PBX3: variants seen among roughly 807,000 people sequenced by gnomAD.
PBX3 encodes the protein PBX homeobox 3.
Under a neutral mutation model 48.5 loss-of-function variants are expected in PBX3, and 14 were observed. The ratio of observed to expected loss-of-function variants is 0.29; its 90% confidence interval spans 0.19 to 0.45. PBX3 has a LOEUF of 0.45. PBX3 is among the 20% of genes least tolerant of loss of function. The pLI, the probability that PBX3 is intolerant of heterozygous loss-of-function variation, is 1.00. For synonymous variants in PBX3, 210 were observed against 200.3 expected (o/e 1.05, Z -0.41); for missense variants, 386 against 546.7 (o/e 0.71, Z 2.93).
intron 2 of PBX3, among the ~76,000 whole-genome samples, chr9:125,806,160 T>G (rs768098654): frequency 2.6e-5 from 4 of 151,958 alleles, no homozygotes; most frequent in Non-Finnish European, 4.4e-5. Context: ...CTGAAGAAAG[T>G]GAAATAGGCA....
intron 2 of PBX3, among the ~76,000 whole-genome samples, chr9:125,896,817 G>C (rs141718659): frequency 6.6e-6 from 1 of 152,022 alleles, no homozygotes; most frequent in African/African-American, 2.4e-5. Flanking sequence ...AGATGTTTGT[G>C]AACAAAGTCT....
intron 2 of PBX3, among the ~76,000 whole-genome samples, chr9:125,799,293 A>G (rs917678385): frequency 1.3e-5 from 2 of 152,212 alleles, no homozygotes; most frequent in Non-Finnish European, 2.9e-5. Context: ...TGGGCGGATC[A>G]TGTGAGTCTA....
At chr9:125,758,888 G>T (rs1482300102) in intron 2 of PBX3, among the ~76,000 whole-genome samples, 1 of 152,066 alleles carries the variant, frequency 6.6e-6, no homozygotes, top group African/African-American at 2.4e-5. Flanking sequence ...ATAATATAAT[G>T]CTGATGACAT....
At chr9:125,794,932 C>T (rs1035452543) in intron 2 of PBX3, among the ~76,000 whole-genome samples, 2 of 152,308 alleles carry the variant, frequency 1.3e-5, no homozygotes, top group Admixed American at 6.5e-5. Flanking sequence ...TGAGCCATTA[C>T]GTTTTGAAAG....
At chr9:125,785,537 A>G (rs1207452623) in intron 2 of PBX3, among the ~76,000 whole-genome samples, 5 of 152,148 alleles carry the variant, frequency 3.3e-5, no homozygotes, top group Non-Finnish European at 5.9e-5. Flanking sequence ...TCACAGACTG[A>G]AGGCTGCACT....
At position 125,897,141 on chromosome 9, in the gene PBX3, G is replaced by GTTT. The variant is rs371641194; in HGVS notation, c.275-18526_275-18524dup. Among the ~76,000 whole-genome samples the GTTT allele has an allele frequency of 2.5e-3, 274 of 108,844 alleles. 8 individuals carry two copies. Among genetic ancestry groups the GTTT allele is most frequent in the South Asian group, 0.013 (43 of 3,218 alleles). 71.4% of individuals were successfully genotyped at this position (108,844 alleles called of 152,430 possible). A position where few individuals can be genotyped will look rare whatever the true frequency, so the allele number is the denominator to read the frequency against. ...CATGTGGGCTTTATATTCATTTGTG[G>GTTT]TTTTTTTTTTTTTTTTTTTTTCCTG... On this transcript the variant is annotated intron_variant, in intron 2 of 8. Transcript: ENST00000373489.
At chr9:125,851,658 A>C (rs958781628) in intron 2 of PBX3, among the ~76,000 whole-genome samples, 1 of 152,086 alleles carries the variant, frequency 6.6e-6, no homozygotes, top group African/African-American at 2.4e-5. Flanking sequence ...GTTTCTTTGC[A>C]GTTTACTGTA....
chr9:125,897,450 AAGTGATGAAGCCTT>A (rs2132406990), intron 2 of PBX3, among the ~76,000 whole-genome samples: 1 of 151,922 alleles, frequency 6.6e-6, no homozygotes, highest in Non-Finnish European at 1.5e-5. Flanking sequence ...TCTGAGTGTG[AAGTGATGAAGCCTT>A]TTCTGGATTC....
intron 2 of PBX3, among the ~76,000 whole-genome samples, chr9:125,828,195 ACATTTTCATTG>A (rs1282281587): frequency 6.6e-6 from 1 of 152,186 alleles, no homozygotes; most frequent in Non-Finnish European, 1.5e-5. Flanking sequence ...CATTTTCATC[ACATTTTCATTG>A]GGTAATAATT....
chr9:125,865,898 G>A (rs538436856), intron 2 of PBX3, among the ~76,000 whole-genome samples: 2 of 152,224 alleles, frequency 1.3e-5, no homozygotes, highest in African/African-American at 4.8e-5. Context: ...GCTGGGTAAT[G>A]TGTCAGGACA....
chr9:125,915,352 T>C (rs1054924130), intron 2 of PBX3, among the ~76,000 whole-genome samples: 2 of 152,168 alleles, frequency 1.3e-5, no homozygotes, highest in African/African-American at 4.8e-5. Context: ...TTTACCCTCT[T>C]CCCATTTTAT....
chr9:125,930,927 T>G (rs1172725548), intron 4 of PBX3, among the ~76,000 whole-genome samples: 2 of 152,234 alleles, frequency 1.3e-5, no homozygotes, highest in African/African-American at 2.4e-5. Flanking sequence ...ACCTGACATT[T>G]AAGGCCTGTT....
intron 2 of PBX3, among the ~76,000 whole-genome samples, chr9:125,846,996 G>T (rs115916142): frequency 0.02 from 3,089 of 151,796 alleles, 115 homozygotes; most frequent in African/African-American, 0.07. Context: ...CATCCCCATG[G>T]TATAGTTTAA....
chr9:125,899,181 A>T (rs1840846041), intron 2 of PBX3, among the ~76,000 whole-genome samples: 1 of 146,304 alleles, frequency 6.8e-6, no homozygotes, highest in Non-Finnish European at 1.5e-5. Context: ...TGTACTTCAC[A>T]TTCTTTAGAT....
chr9:125,919,863 A>G (rs1841419952), intron 3 of PBX3, among the ~76,000 whole-genome samples: 1 of 152,216 alleles, frequency 6.6e-6, no homozygotes, highest in Non-Finnish European at 1.5e-5. Flanking sequence ...TTTGAGCAAA[A>G]TTAAATCCAA....
intron 3 of PBX3, among the ~76,000 whole-genome samples, chr9:125,920,720 G>A (rs1265126540): frequency 6.6e-6 from 1 of 152,156 alleles, no homozygotes; most frequent in Non-Finnish European, 1.5e-5. Context: ...CAAGCATCTG[G>A]GAACCTGCTT....
intron 2 of PBX3, among the ~76,000 whole-genome samples, chr9:125,826,239 T>C (rs762903731): frequency 4.6e-5 from 7 of 152,198 alleles, no homozygotes; most frequent in Non-Finnish European, 8.8e-5. Flanking sequence ...ATTTTACATA[T>C]AGGATTCTTT....
At chr9:125,896,233 C>T (rs780652733) in intron 2 of PBX3, among the ~76,000 whole-genome samples, 1 of 151,910 alleles carries the variant, frequency 6.6e-6, no homozygotes, top group Non-Finnish European at 1.5e-5. Context: ...AGAGAGATTC[C>T]TCTGTGTGTG....
chr9:125,769,832 A>C (rs1029118296), intron 2 of PBX3, among the ~76,000 whole-genome samples: 1 of 152,200 alleles, frequency 6.6e-6, no homozygotes, highest in African/African-American at 2.4e-5. Flanking sequence ...TAGGACGAGG[A>C]GATTTCTAAG....
Sources: allele counts gnomAD v4.1 joint callset (sites outside exome capture counted in the v4.1 genomes callset), GRCh38; gene constraint gnomAD v4.1.1; transcripts MANE v1.5; gene names NCBI Gene and HGNC (gene_info 2026-07-23, HGNC 2026-07-21).